SUCLG2: variants seen among roughly 807,000 people sequenced by gnomAD.
The protein encoded by SUCLG2 is succinate-CoA ligase GDP-forming subunit beta.
A neutral mutation model predicts 47.9 loss-of-function variants in SUCLG2; 42 were observed. That is an observed-to-expected ratio of 0.88 (90% CI 0.69 to 1.14). SUCLG2 has a LOEUF of 1.14. SUCLG2 is among the 50% of genes most tolerant of loss of function. The probability of loss-of-function intolerance (pLI) is 0.00; values close to 1 mark genes in which losing one functional copy is unlikely to be tolerated. For missense variants in SUCLG2, 571 were observed against 525.9 expected (o/e 1.09, Z -0.84); for synonymous variants, 195 against 197.3 (o/e 0.99, Z 0.10).
At chr3:67,514,057 A>C in intron 6 of SUCLG2, 1 of 355,500 alleles carries the variant, frequency 2.8e-6, no homozygotes, top group South Asian at 2.4e-5. Context: ...GTTGGCCATA[A>C]GAGCACAGCT....
At chr3:67,646,140 C>T (rs1321925220) in intron 1 of SUCLG2, among the ~76,000 whole-genome samples, 4 of 150,726 alleles carry the variant, frequency 2.7e-5, no homozygotes, top group East Asian at 2.0e-4. Context: ...ATATGGTGCC[C>T]TAAATGGATC....
At chr3:67,444,138 G>C (rs1313858677) in intron 9 of SUCLG2, among the ~76,000 whole-genome samples, 1 of 61,300 alleles carries the variant, frequency 1.6e-5, no homozygotes, top group Non-Finnish European at 3.6e-5. Flanking sequence ...CTGGCCAGCC[G>C]TGCCGTCCGG....
intron 9 of SUCLG2, among the ~76,000 whole-genome samples, chr3:67,413,084 T>C (rs1383700770): frequency 6.6e-6 from 1 of 152,210 alleles, no homozygotes; most frequent in East Asian, 1.9e-4. Flanking sequence ...TTGGCTCTTT[T>C]TGGGACATGG....
At chr3:67,593,457 A>G (rs989505136) in intron 2 of SUCLG2, among the ~76,000 whole-genome samples, 17 of 152,172 alleles carry the variant, frequency 1.1e-4, no homozygotes, top group African/African-American at 3.9e-4. Context: ...CACATCCCCA[A>G]TGCCTTTCTT....
intron 2 of SUCLG2, among the ~76,000 whole-genome samples, chr3:67,596,840 A>T (rs1218104599): frequency 6.6e-6 from 1 of 152,224 alleles, no homozygotes; most frequent in African/African-American, 2.4e-5. Flanking sequence ...CTACTGTCTA[A>T]TACTGAGCAA....
chr3:67,602,294 T>TTTAAC (rs1708437513), intron 2 of SUCLG2, among the ~76,000 whole-genome samples: 2 of 152,210 alleles, frequency 1.3e-5, no homozygotes, highest in Admixed American at 6.5e-5. Flanking sequence ...ATCCTTGCTT[T>TTTAAC]AGTAGGCTGT....
intron 10 of SUCLG2, among the ~76,000 whole-genome samples, chr3:67,399,575 T>C (rs1702637259): frequency 6.6e-6 from 1 of 152,216 alleles, no homozygotes; most frequent in Non-Finnish European, 1.5e-5. Context: ...AGCTTCCTAC[T>C]AAAAAGCTTT....
At position 67,501,946 on chromosome 3, in the gene SUCLG2, G is replaced by A. The variant is rs188206790; in HGVS notation, c.758-3651C>T. On this transcript the variant is annotated intron_variant, in intron 7 of 10. Coordinates refer to ENST00000307227, the MANE Select transcript of SUCLG2 (RefSeq NM_003848.4). ...AAATAACCTTTATAATAAATCAGCA[G>A]TAGTAAGTAAAGTGCTTCCCTGGGT... 3.9e-5 allele frequency among the ~76,000 whole-genome samples: 6 copies of A among 152,234 alleles called. No homozygotes were observed. In the East Asian group the frequency reaches 1.2e-3, roughly 29 times the overall value.
chr3:67,399,263 T>C (rs1402600761), intron 10 of SUCLG2, among the ~76,000 whole-genome samples: 1 of 152,196 alleles, frequency 6.6e-6, no homozygotes, highest in Admixed American at 6.5e-5. Flanking sequence ...GACCAAATTA[T>C]AAACACACAT....
chr3:67,452,583 C>A (rs1704080842), intron 9 of SUCLG2, among the ~76,000 whole-genome samples: 1 of 152,010 alleles, frequency 6.6e-6, no homozygotes, highest in African/African-American at 2.4e-5. Context: ...CTCAAGTTAC[C>A]ACAAATTCCT....
At chr3:67,418,739 G>A (rs576763825) in intron 9 of SUCLG2, among the ~76,000 whole-genome samples, 3 of 152,124 alleles carry the variant, frequency 2.0e-5, no homozygotes, top group Non-Finnish European at 2.9e-5. Flanking sequence ...TCCAACCTCT[G>A]TTCCTGGAGC....
chr3:67,551,002 T>A (rs1480199927), intron 2 of SUCLG2, among the ~76,000 whole-genome samples: 1 of 152,216 alleles, frequency 6.6e-6, no homozygotes. Flanking sequence ...AAATGGTAGA[T>A]GATAATGATA....
intron 9 of SUCLG2, among the ~76,000 whole-genome samples, chr3:67,420,331 T>C (rs1248737119): frequency 6.6e-6 from 1 of 152,214 alleles, no homozygotes; most frequent in Non-Finnish European, 1.5e-5. Context: ...TTTATAACAA[T>C]GCAGTATACC....
chr3:67,625,219 G>C (rs975426102), intron 1 of SUCLG2, among the ~76,000 whole-genome samples: 2 of 152,172 alleles, frequency 1.3e-5, no homozygotes, highest in Non-Finnish European at 2.9e-5. Flanking sequence ...GTTGATAATT[G>C]AGAAATAAGC....
intron 6 of SUCLG2, among the ~76,000 whole-genome samples, chr3:67,513,630 C>T (rs1339650383): frequency 2.6e-5 from 4 of 152,178 alleles, no homozygotes; most frequent in African/African-American, 9.7e-5. Flanking sequence ...AGTATTCCCA[C>T]TTTCTACAAA....
intron 9 of SUCLG2, among the ~76,000 whole-genome samples, chr3:67,427,299 A>G (rs1703328335): frequency 6.6e-6 from 1 of 152,224 alleles, no homozygotes; most frequent in South Asian, 2.1e-4. Context: ...CCTTGACAAG[A>G]AAGTAAACAA....
intron 4 of SUCLG2, 69 bp from the exon 5 acceptor site, chr3:67,520,703 A>G (rs1232318324): frequency 6.6e-7 from 1 of 1,517,428 alleles, no homozygotes; most frequent in Non-Finnish European, 8.9e-7. Flanking sequence ...ATCTATACAA[A>G]CTTGCTACAC....
chr3:67,393,642 C>T (rs901629415), intron 10 of SUCLG2, among the ~76,000 whole-genome samples: 1 of 152,238 alleles, frequency 6.6e-6, no homozygotes, highest in Non-Finnish European at 1.5e-5. Flanking sequence ...ACTTTAATGT[C>T]CCTGTCTGAC....
At chr3:67,609,284 C>T (rs1700484587) in intron 2 of SUCLG2, among the ~76,000 whole-genome samples, 171 bp downstream of exon 2, 2 of 151,812 alleles carry the variant, frequency 1.3e-5, no homozygotes, top group African/African-American at 4.8e-5. Context: ...CACACTTACA[C>T]ACATGTACAT....
Sources: gnomAD v4.1 joint callset for allele counts (sites outside exome capture counted in the v4.1 genomes callset) on GRCh38, gnomAD v4.1.1 for gene constraint, MANE v1.5 for transcripts, NCBI Gene and HGNC (gene_info 2026-07-23, HGNC 2026-07-21) for gene names.